OR1J2: variants seen among roughly 807,000 people sequenced by gnomAD.
OR1J2 encodes the protein olfactory receptor family 1 subfamily J member 2.
For missense variants in OR1J2, 304 were observed against 246.1 expected (o/e 1.24, Z -1.57); for synonymous variants, 142 against 99.7 (o/e 1.42, Z -2.52).
chr9:122,529,251 T>A, the OR1J2 span, among the ~76,000 whole-genome samples: 1 of 141,932 alleles, frequency 7.0e-6, no homozygotes, highest in African/African-American at 2.8e-5. Context: ...GGGTAAGAGA[T>A]CCTCTTATGA....
the OR1J2 span, among the ~76,000 whole-genome samples, chr9:122,467,716 C>G: frequency 6.6e-6 from 1 of 152,186 alleles, no homozygotes; most frequent in African/African-American, 2.4e-5. Flanking sequence ...TCATTATTCT[C>G]TGTACCAGTC....
chr9:122,452,693 T>A, the OR1J2 span, among the ~76,000 whole-genome samples: 1 of 151,982 alleles, frequency 6.6e-6, no homozygotes, highest in Non-Finnish European at 1.5e-5. Context: ...ATGGGAGGTG[T>A]TTGGGTCATG....
chr9:122,480,115 G>T, the OR1J2 span, among the ~76,000 whole-genome samples: 2 of 152,072 alleles, frequency 1.3e-5, no homozygotes, highest in African/African-American at 4.8e-5. Flanking sequence ...TTAATAAAAA[G>T]AGAGGGCAGG....
the OR1J2 span, among the ~76,000 whole-genome samples, chr9:122,484,911 G>T: frequency 7.6e-4 from 115 of 152,124 alleles, no homozygotes; most frequent in Admixed American, 1.2e-3. Flanking sequence ...GTATGCGCCT[G>T]TGGTCCCAGC....
At chr9:122,576,290 C>A in the OR1J2 span, among the ~76,000 whole-genome samples, 6 of 152,000 alleles carry the variant, frequency 3.9e-5, no homozygotes, top group Admixed American at 6.6e-5. Flanking sequence ...GGCATGAGCT[C>A]AGCCCACTGC....
the OR1J2 span, among the ~76,000 whole-genome samples, chr9:122,475,466 A>G: frequency 6.6e-6 from 1 of 152,204 alleles, no homozygotes; most frequent in Non-Finnish European, 1.5e-5. Context: ...GCTTGAGATA[A>G]GGAGAAAAAC....
At chr9:122,475,601 C>G in the OR1J2 span, 1 of 152,194 alleles carries the variant, frequency 6.6e-6, no homozygotes, top group African/African-American at 2.4e-5. Context: ...TTGAGAGGCT[C>G]AAGTGTTACG....
At chr9:122,464,130 C>G in the OR1J2 span, among the ~76,000 whole-genome samples, 26 of 152,226 alleles carry the variant, frequency 1.7e-4, no homozygotes, top group East Asian at 5.0e-3. Context: ...GCTGTGGGGG[C>G]TGGGAGTGTG....
the OR1J2 span, chr9:122,476,846 T>C: frequency 1.7e-6 from 1 of 601,354 alleles, no homozygotes; most frequent in Admixed American, 2.9e-5. Flanking sequence ...GCTGGGACTA[T>C]AGGCATGCAC....
chr9:122,493,528 C>T, the OR1J2 span, among the ~76,000 whole-genome samples: 1 of 152,074 alleles, frequency 6.6e-6, no homozygotes, highest in African/African-American at 2.4e-5. Flanking sequence ...TTTTGTATTG[C>T]TGTGGTATCA....
the OR1J2 span, among the ~76,000 whole-genome samples, chr9:122,450,374 T>G: frequency 2.0e-5 from 3 of 152,196 alleles, no homozygotes; most frequent in Non-Finnish European, 4.4e-5. Context: ...GAGGTTGCAG[T>G]GAGCCAAGAT....
the OR1J2 span, among the ~76,000 whole-genome samples, chr9:122,469,892 T>C: frequency 6.6e-6 from 1 of 152,072 alleles, no homozygotes; most frequent in Non-Finnish European, 1.5e-5. Flanking sequence ...GAGAGATGAT[T>C]TAGGGTACCT....
chr9:122,501,117 T>TTAAC, the OR1J2 span, among the ~76,000 whole-genome samples: 1 of 152,308 alleles, frequency 6.6e-6, no homozygotes, highest in Non-Finnish European at 1.5e-5. Flanking sequence ...ATAAAAGCTA[T>TTAAC]ATTTTGCTGT....
the OR1J2 span, among the ~76,000 whole-genome samples, chr9:122,475,480 C>T: frequency 6.6e-6 from 1 of 152,126 alleles, no homozygotes; most frequent in Non-Finnish European, 1.5e-5. Flanking sequence ...GAAAAACAAC[C>T]CTCTCCCTGT....
the OR1J2 span, chr9:122,477,852 G>T: frequency 6.2e-7 from 1 of 1,614,020 alleles, no homozygotes; most frequent in South Asian, 1.1e-5. Flanking sequence ...CGAAGAACAC[G>T]GCCTGCTGCT....
chr9:122,484,286 CAAGTAGCTGGG>C, the OR1J2 span, among the ~76,000 whole-genome samples: 2 of 152,182 alleles, frequency 1.3e-5, no homozygotes, highest in South Asian at 4.2e-4. Context: ...CTCAGCCTCC[CAAGTAGCTGGG>C]ACAATAGGCA....
the OR1J2 span, among the ~76,000 whole-genome samples, chr9:122,486,908 C>G: frequency 3.7e-4 from 57 of 152,130 alleles, no homozygotes; most frequent in African/African-American, 7.7e-4. Flanking sequence ...TTCTTAAAAG[C>G]CTTTGCATAG....
At chr9:122,518,011 G>T in the OR1J2 span, among the ~76,000 whole-genome samples, 1 of 152,146 alleles carries the variant, frequency 6.6e-6, no homozygotes, top group African/African-American at 2.4e-5. Flanking sequence ...ATGGCTTCCA[G>T]CTCCATCCAT....
chr9:122,461,857 T>A, the OR1J2 span, among the ~76,000 whole-genome samples: 1 of 152,186 alleles, frequency 6.6e-6, no homozygotes, highest in Non-Finnish European at 1.5e-5. Flanking sequence ...TCTTGGAGAA[T>A]GTTCCATATG....
Sources: allele counts gnomAD v4.1 joint callset (sites outside exome capture counted in the v4.1 genomes callset), GRCh38; gene constraint gnomAD v4.1.1; transcripts MANE v1.5; gene names NCBI Gene and HGNC (gene_info 2026-07-23, HGNC 2026-07-21).